BRINP2: variants seen among roughly 807,000 people sequenced by gnomAD.
BRINP2 encodes BMP/retinoic acid-inducible neural-specific protein 2.
A neutral mutation model predicts 69.2 loss-of-function variants in BRINP2; 21 were observed. The observed-to-expected ratio is 0.30, with a 90% CI of 0.22 to 0.44. BRINP2 has a LOEUF of 0.44. Ranked by LOEUF, BRINP2 falls within the 20% of genes least tolerant of loss-of-function variation. The pLI, the probability that BRINP2 is intolerant of heterozygous loss-of-function variation, is 1.00. For missense variants in BRINP2, 877 were observed against 986.0 expected, an observed-to-expected ratio of 0.89 and a Z score of 1.48; for synonymous variants, 380 against 394.1, an observed-to-expected ratio of 0.96 and a Z score of 0.42.
intron 2 of BRINP2, among the ~76,000 whole-genome samples, chr1:177,233,179 C>A (rs527415381): frequency 2.0e-5 from 3 of 152,154 alleles, no homozygotes; most frequent in African/African-American, 7.2e-5. Flanking sequence ...TCTCTAATCA[C>A]GGACCTCCAG....
chr1:177,261,414 A>G (rs1281842139), intron 4 of BRINP2, among the ~76,000 whole-genome samples: 1 of 152,220 alleles, frequency 6.6e-6, no homozygotes, highest in African/African-American at 2.4e-5. Flanking sequence ...GCAATCAGAC[A>G]ATAGATTGGA....
chr1:177,230,513 G>A (rs956305166), intron 2 of BRINP2, among the ~76,000 whole-genome samples: 3 of 152,194 alleles, frequency 2.0e-5, no homozygotes, highest in East Asian at 1.9e-4. Flanking sequence ...TAACTAATGG[G>A]TTAGTTAATT....
intron 4 of BRINP2, among the ~76,000 whole-genome samples, chr1:177,271,703 C>T (rs1038529356): frequency 2.0e-5 from 3 of 152,170 alleles, no homozygotes; most frequent in Non-Finnish European, 2.9e-5. Context: ...GTCTAGTTCT[C>T]CCTGCTGCCT....
At chr1:177,188,605 A>G (rs1193208127) in intron 1 of BRINP2, among the ~76,000 whole-genome samples, 1 of 152,144 alleles carries the variant, frequency 6.6e-6, no homozygotes, top group Non-Finnish European at 1.5e-5. Flanking sequence ...ATTTCCATGG[A>G]GTGGAAAATT....
chr1:177,178,508 G>A (rs1352812499), intron 1 of BRINP2, among the ~76,000 whole-genome samples: 3 of 152,096 alleles, frequency 2.0e-5, no homozygotes, highest in African/African-American at 7.2e-5. Context: ...CCTATTCTCT[G>A]CTTCTTGAAG....
chr1:177,180,724 G>A (rs949823191), intron 1 of BRINP2, among the ~76,000 whole-genome samples: 1 of 151,846 alleles, frequency 6.6e-6, no homozygotes, highest in African/African-American at 2.4e-5. Flanking sequence ...TGTTCCCTAG[G>A]GCAACTCCTT....
intron 5 of BRINP2, among the ~76,000 whole-genome samples, chr1:177,275,660 A>G (rs1558186956): frequency 6.6e-6 from 1 of 152,182 alleles, no homozygotes; most frequent in Non-Finnish European, 1.5e-5. Context: ...ATCTGTTCCT[A>G]TCTCTTAACC....
At chr1:177,245,915 C>A (rs1357430179) in intron 2 of BRINP2, among the ~76,000 whole-genome samples, 3 of 152,150 alleles carry the variant, frequency 2.0e-5, no homozygotes, top group Non-Finnish European at 4.4e-5. Flanking sequence ...CTTAATTAAA[C>A]TGTTTGAAAG....
chr1:177,239,721 A>G (rs1489097596), intron 2 of BRINP2, among the ~76,000 whole-genome samples: 1 of 152,228 alleles, frequency 6.6e-6, no homozygotes, highest in Non-Finnish European at 1.5e-5. Flanking sequence ...TCACATTCAC[A>G]GCACACTAGG....
At position 177,281,567 on chromosome 1, in the gene BRINP2, A is replaced by G. The variant is rs752305560; in HGVS notation, c.*39A>G. The G allele has an allele frequency of 5.3e-5, 82 of 1,543,332 alleles. No homozygotes were observed. Among genetic ancestry groups the G allele is most frequent in the Non-Finnish European group, 6.9e-5 (80 of 1,153,022 alleles). On this transcript the variant is annotated 3_prime_UTR_variant, in exon 8 of 8. Transcript: ENST00000361539. ...TCAGCACTGGGCAAGGAGGGGATCC[A>G]TGAATCTGGGGTACAAAGATAATCT...
intron 4 of BRINP2, among the ~76,000 whole-genome samples, chr1:177,258,788 C>T (rs1024726367): frequency 1.3e-5 from 2 of 152,106 alleles, no homozygotes; most frequent in Admixed American, 6.5e-5. Flanking sequence ...TTTGGAGTGT[C>T]ACAAATTGCA....
At chr1:177,182,538 G>T (rs900365143) in intron 1 of BRINP2, among the ~76,000 whole-genome samples, 11 of 152,170 alleles carry the variant, frequency 7.2e-5, no homozygotes, top group Non-Finnish European at 1.3e-4. Flanking sequence ...AAAGGCTCAA[G>T]CAGAATTTCC....
chr1:177,222,056 T>C (rs1399782346), intron 1 of BRINP2, among the ~76,000 whole-genome samples: 2 of 152,248 alleles, frequency 1.3e-5, no homozygotes, highest in Non-Finnish European at 2.9e-5. Context: ...GATGGGGGAC[T>C]GGTGAGGTTA....
chr1:177,260,534 A>G (rs375183815), intron 4 of BRINP2, among the ~76,000 whole-genome samples: 18 of 152,206 alleles, frequency 1.2e-4, no homozygotes, highest in African/African-American at 3.9e-4. Context: ...GAAATCTCTC[A>G]TGAAAGGAAG....
At chr1:177,226,013 T>C (rs1416419393) in intron 1 of BRINP2, among the ~76,000 whole-genome samples, 5 of 152,242 alleles carry the variant, frequency 3.3e-5, no homozygotes, top group African/African-American at 1.2e-4. Flanking sequence ...AGGCAGGTTC[T>C]AGCACATTGT....
At chr1:177,195,731 C>G (rs1364825065) in intron 1 of BRINP2, among the ~76,000 whole-genome samples, 2 of 151,936 alleles carry the variant, frequency 1.3e-5, no homozygotes, top group Non-Finnish European at 2.9e-5. Context: ...AGGGGCAAAG[C>G]AGACATCATT....
rs143438287 is a variant in BRINP2 at position 177,280,621 on chromosome 1, C to T, written c.1445C>T (p.Pro482Leu). 34 of 1,613,980 alleles carry T rather than the reference C, an allele frequency of 2.1e-5. No homozygotes were observed. The highest frequency in any genetic ancestry group is 9.3e-5 in the African/African-American group (7 of 74,940). The change falls in exon 8 of 8, where the codon CCG becomes CTG. Residue 482 changes from proline (P) to leucine (L), a missense_variant. By Grantham distance (98) the Pro-to-Leu change is moderately conservative. Coordinates refer to ENST00000361539, the MANE Select transcript of BRINP2 (RefSeq NM_021165.4). The part of the protein sequence containing the change: ...DNSTRCGSCN[P>L]GYVLAQGLCR... ...AGCACACGCTGTGGGAGCTGCAACC[C>T]GGGCTATGTGCTGGCCCAGGGGCTG...
At chr1:177,206,832 T>C (rs1649082186) in intron 1 of BRINP2, among the ~76,000 whole-genome samples, 1 of 152,192 alleles carries the variant, frequency 6.6e-6, no homozygotes, top group South Asian at 2.1e-4. Flanking sequence ...GGAAACACAC[T>C]GATAGATGGA....
chr1:177,188,877 C>T (rs1176495607), intron 1 of BRINP2, among the ~76,000 whole-genome samples: 1 of 152,146 alleles, frequency 6.6e-6, no homozygotes, highest in African/African-American at 2.4e-5. Flanking sequence ...GCAGAAACTG[C>T]AGTGTATGTT....
Sources: allele counts gnomAD v4.1 joint callset (sites outside exome capture counted in the v4.1 genomes callset), GRCh38; gene constraint gnomAD v4.1.1; transcripts MANE v1.5; gene names NCBI Gene and HGNC (gene_info 2026-07-23, HGNC 2026-07-21).